The following TARBP1 variants were observed in gnomAD, a reference collection of about 807,000 sequenced individuals.
TARBP1 encodes tRNA (guanosine(18)-2'-O)-methyltransferase TARBP1.
Under a neutral mutation model 178.6 loss-of-function variants are expected in TARBP1, and 144 were observed. That is an observed-to-expected ratio of 0.81 (90% CI 0.70 to 0.93). The LOEUF (loss-of-function observed/expected upper bound fraction) is 0.93. TARBP1 is among the 40% of genes least tolerant of loss of function. The pLI, the probability that TARBP1 is intolerant of heterozygous loss-of-function variation, is 0.00. For synonymous variants in TARBP1, 787 were observed against 781.0 expected, an observed-to-expected ratio of 1.01 and a Z score of -0.13; for missense variants, 2,067 against 2,011.7, an observed-to-expected ratio of 1.03 and a Z score of -0.53.
chr1:234,459,669 G>A (rs1037230564), intron 7 of TARBP1, among the ~76,000 whole-genome samples: 4 of 152,010 alleles, frequency 2.6e-5, no homozygotes, highest in Admixed American at 1.3e-4. Context: ...AAAATCAGTC[G>A]AGAGTAATGG....
intron 9 of TARBP1, among the ~76,000 whole-genome samples, chr1:234,451,748 C>CAAAAAAAAAAAAAAAA (rs766485621): frequency 1.5e-4 from 1 of 6,622 alleles, no homozygotes. Context: ...GACTCCGTCT[C>CAAAAAAAAAAAAAAAA]AAAAAAAAAA....
intron 28 of TARBP1, 75 bp from the exon 29 acceptor site, chr1:234,392,627 C>A: frequency 7.2e-7 from 1 of 1,387,784 alleles, no homozygotes; most frequent in Non-Finnish European, 1.0e-6. Context: ...AGTTAAAAAA[C>A]GTATTAACCT....
intron 14 of TARBP1, among the ~76,000 whole-genome samples, chr1:234,431,524 CTTTG>C (rs1381886528): frequency 1.3e-5 from 2 of 152,142 alleles, no homozygotes; most frequent in African/African-American, 2.4e-5. Flanking sequence ...CGAGTATCTT[CTTTG>C]TTTTTCTTAG....
At chr1:234,423,952 C>T (rs1227656079) in intron 20 of TARBP1, among the ~76,000 whole-genome samples, 1 of 152,038 alleles carries the variant, frequency 6.6e-6, no homozygotes, top group Non-Finnish European at 1.5e-5. Flanking sequence ...TGATAGAATA[C>T]CCATACCCAG....
chr1:234,392,704 C>G (rs1045258133), intron 28 of TARBP1, 152 bp from the exon 29 acceptor site: 4 of 551,332 alleles, frequency 7.3e-6, no homozygotes, highest in Non-Finnish European at 1.2e-5. Context: ...CCCAACATGA[C>G]ATCAATTTCT....
Position 234,451,681 on chromosome 1 carries a change from G to A in TARBP1, c.1723-1115C>T, listed in dbSNP as rs1441993087. 3.4e-4 allele frequency among the ~76,000 whole-genome samples: 11 copies of A among 31,982 alleles called. 1 individual carries two copies. The highest frequency in any genetic ancestry group is 5.2e-4 in the Non-Finnish European group (11 of 21,108). 21.0% of individuals were successfully genotyped at this position (31,982 alleles called of 152,430 possible). ...GGAGAATGGCGTGAACCCGGGAGGC[G>A]GAGCTTGCAGTGAGCCGAGATCCCG... On this transcript the variant is annotated intron_variant, in intron 9 of 29. Transcript: ENST00000040877.
chr1:234,424,304 T>A (rs1279197424), intron 20 of TARBP1, among the ~76,000 whole-genome samples: 1 of 152,234 alleles, frequency 6.6e-6, no homozygotes, highest in Non-Finnish European at 1.5e-5. Flanking sequence ...TGCTCAACTC[T>A]ACCCCTTCCT....
intron 2 of TARBP1, among the ~76,000 whole-genome samples, chr1:234,472,047 A>G (rs1345689450): frequency 6.6e-6 from 1 of 152,082 alleles, no homozygotes; most frequent in Non-Finnish European, 1.5e-5. Flanking sequence ...AAAAAACTCA[A>G]AAGTCCTGGA....
intron 12 of TARBP1, 97 bp from the exon 13 acceptor site, chr1:234,437,469 G>A (rs535213795): frequency 2.2e-4 from 122 of 563,680 alleles, no homozygotes; most frequent in African/African-American, 2.0e-3. Flanking sequence ...GGCTAAGCAC[G>A]TGAATCACTT....
chr1:234,476,411 C>T (rs1195919761), intron 1 of TARBP1, among the ~76,000 whole-genome samples: 1 of 152,132 alleles, frequency 6.6e-6, no homozygotes, highest in Non-Finnish European at 1.5e-5. Flanking sequence ...AAGGGAATCC[C>T]GGGGTAAGCG....
intron 6 of TARBP1, among the ~76,000 whole-genome samples, chr1:234,462,879 T>C (rs1668025447): frequency 6.6e-6 from 1 of 152,182 alleles, no homozygotes; most frequent in Admixed American, 6.5e-5. Context: ...GTCATCCTAT[T>C]TGCCAGATTA....
In TARBP1 at chr1:234,398,405, C is replaced by G; in HGVS notation, c.4220G>C (p.Gly1407Ala). The G allele has an allele frequency of 6.2e-7, 1 of 1,608,074 alleles. No individual in the cohort carries two copies. The highest frequency in any genetic ancestry group is 8.5e-7 in the Non-Finnish European group (1 of 1,176,454). Residue 1407 changes from glycine (G) to alanine (A), a missense_variant, in exon 26 of 30, where the codon GGT becomes GCT. Transcript: ENST00000040877. ...ACCTATGTCTTGCTGAGACCAGTCA[C>G]CTGGTTTTAGTTTACTAAGTTGAGT... is the stretch of plus-strand genomic sequence containing the variant. ...SQTQLSKLKP[G>A]DWSQQDIGTN...
intron 23 of TARBP1, chr1:234,406,951 T>A (rs1366024986): frequency 1.3e-5 from 2 of 152,206 alleles, no homozygotes; most frequent in African/African-American, 4.8e-5. Flanking sequence ...ACAACCATAT[T>A]CACACAATAG....
intron 7 of TARBP1, among the ~76,000 whole-genome samples, chr1:234,459,943 G>A (rs781446480): frequency 7.4e-5 from 11 of 149,578 alleles, no homozygotes. Flanking sequence ...AAATATTATT[G>A]TTTGATATTT....
chr1:234,431,432 G>C (rs990559015), intron 14 of TARBP1, among the ~76,000 whole-genome samples: 7 of 152,216 alleles, frequency 4.6e-5, no homozygotes. Flanking sequence ...AACACTAACA[G>C]ACTAATAGGT....
At chr1:234,457,258 CA>C (rs1249476778) in intron 9 of TARBP1, among the ~76,000 whole-genome samples, 29 of 152,106 alleles carry the variant, frequency 1.9e-4, no homozygotes, top group Admixed American at 1.8e-3. Flanking sequence ...AAAGTCAGGA[CA>C]AACTCAGAAT....
intron 12 of TARBP1, among the ~76,000 whole-genome samples, chr1:234,439,437 C>T (rs1192972531): frequency 6.6e-6 from 1 of 152,104 alleles, no homozygotes; most frequent in East Asian, 1.9e-4. Flanking sequence ...ATATGTACTG[C>T]AATCCTAAGG....
intron 23 of TARBP1, chr1:234,406,486 C>A (rs1273494786): frequency 1.5e-5 from 3 of 194,820 alleles, no homozygotes; most frequent in Non-Finnish European, 3.2e-5. Flanking sequence ...AAATAGTCTT[C>A]AAGAGTCCCA....
chr1:234,472,789 A>G lies in TARBP1; in HGVS notation c.954T>C (p.Ser318=), dbSNP rs761601720. Reference sequence around the variant, plus strand: ...TTAGAAGCTCATCTTTTTTCCTCTCAGACCACCAAAACAGACTTGGGCCTG... The same window carrying G: ...TTAGAAGCTCATCTTTTTTCCTCTCGGACCACCAAAACAGACTTGGGCCTG... The part of the protein sequence containing the change: ...EGNGPSLFWW[S]ERKKDELLKF... Residue 318 remains serine, a synonymous_variant, in exon 2 of 30, where the codon TCT becomes TCC. Coordinates refer to ENST00000040877, the MANE Select transcript of TARBP1 (RefSeq NM_005646.4). 5.0e-6 allele frequency: 8 copies of G among 1,601,314 alleles called. No homozygotes were observed. In the Middle Eastern group the frequency reaches 6.6e-4, roughly 132 times the overall value.
Sources: gnomAD v4.1 joint callset for allele counts (sites outside exome capture counted in the v4.1 genomes callset) on GRCh38, gnomAD v4.1.1 for gene constraint, MANE v1.5 for transcripts, NCBI Gene and HGNC (gene_info 2026-07-23, HGNC 2026-07-21) for gene names.